DCTN1: variants seen among roughly 807,000 people sequenced by gnomAD.
DCTN1 encodes dynactin subunit 1.
In DCTN1, 61 loss-of-function variants were observed where a neutral mutation model predicts 161.2. The ratio of observed to expected loss-of-function variants is 0.38; its 90% CI spans 0.31 to 0.47. The LOEUF (loss-of-function observed/expected upper bound fraction) is 0.47, where lower values mean the gene tolerates loss of function less well. DCTN1 is among the 20% of genes least tolerant of loss of function. DCTN1 has a pLI of 0.99. For missense variants in DCTN1, 1,404 were observed against 1,623.7 expected (o/e 0.86, Z 2.33); for synonymous variants, 653 against 632.4 (o/e 1.03, Z -0.49).
In DCTN1 at chr2:74,378,033, A is replaced by G. The variant is rs1323483918; in HGVS notation, c.246T>C (p.Asp82=). Residue 82 remains aspartate (D), a synonymous_variant, in exon 2 of 32, where the codon GAT becomes GAC. Transcript: ENST00000628224. The part of the protein sequence containing the change: ...TVQGRKYFTC[D]EGHGIFVRQS... Reference sequence around the variant, plus strand: ...GGCGCACAAAGATGCCATGCCCTTCATCACAAGTGAAGTACTTCCTGCCTT... The same window carrying G: ...GGCGCACAAAGATGCCATGCCCTTCGTCACAAGTGAAGTACTTCCTGCCTT... 2.5e-6 allele frequency: 4 copies of G among 1,614,166 alleles called. No homozygotes were observed. In the African/African-American group the frequency reaches 4.0e-5, roughly 16 times the overall value.
Position 74,369,541 on chromosome 2 carries a change from C to T in DCTN1, c.1393-50G>A, listed in dbSNP as rs781291325. 4.6e-5 allele frequency: 73 copies of T among 1,590,272 alleles called. No homozygotes were observed. Among genetic ancestry groups the T allele is most frequent in the Admixed American group, 2.5e-4 (15 of 59,968 alleles). On this transcript the variant is annotated intron_variant, in intron 13 of 31. Coordinates refer to ENST00000628224, the MANE Select transcript of DCTN1 (RefSeq NM_004082.5). This position sits in a 1 kb window ranked among gnomAD's most constrained non-coding sequence, Gnocchi z 4.9. Reference sequence around the variant, plus strand: ...GCTAAAGAAAGGCAGGGTCGGCCAGCGGCGGTGGTTCACACCTGTAATCCC... The same window carrying T: ...GCTAAAGAAAGGCAGGGTCGGCCAGTGGCGGTGGTTCACACCTGTAATCCC...
At chr2:74,366,068 T>C (rs369754137) in intron 23 of DCTN1, 50 bp from the exon 24 acceptor site, 1 of 1,613,770 alleles carries the variant, frequency 6.2e-7, no homozygotes, top group Non-Finnish European at 8.5e-7. Context: ...AGAGAAGAGA[T>C]CATCACTGTG....
At chr2:74,368,579 T>C (rs1409377825) in intron 16 of DCTN1, 149 bp downstream of exon 16, 2 of 1,001,436 alleles carry the variant, frequency 2.0e-6, no homozygotes, top group Non-Finnish European at 3.0e-6. Context: ...ATTTGTAATA[T>C]ATATTAATCG....
At chr2:74,374,775 C>T (rs1207501058) in intron 5 of DCTN1, 2 of 1,104,090 alleles carry the variant, frequency 1.8e-6, no homozygotes, top group Non-Finnish European at 2.2e-6. Flanking sequence ...GCTTTGCTGG[C>T]TCCTCCTCCT....
chr2:74,362,256 A>G (rs770604529), intron 30 of DCTN1, 115 bp from the exon 31 acceptor site: 3 of 871,316 alleles, frequency 3.4e-6, no homozygotes, highest in Admixed American at 2.0e-5. Flanking sequence ...TTAGTCCTCT[A>G]TATCAACATA....
intron 1 of DCTN1, chr2:74,378,957 T>C (rs963869142): frequency 3.9e-5 from 6 of 153,734 alleles, no homozygotes; most frequent in African/African-American, 1.4e-4. Flanking sequence ...TGGAGATTCT[T>C]CTCCATGCTA....
At position 74,389,749 on chromosome 2, in the gene DCTN1, G is replaced by A. The variant is rs559020578; in HGVS notation, c.-19+2045C>T. Among the ~76,000 whole-genome samples, 86 of 152,268 alleles carry A rather than the reference G, an allele frequency of 5.6e-4. 2 individuals are homozygous for A. Among genetic ancestry groups the A allele is most frequent in the Admixed American group, 5.4e-3 (82 of 15,300 alleles). ...GCATCATCTACAAAACAGCATAACAGCTGCTCTGCCTACCTCGTAGGAATA... is the reference window on the plus strand; with the variant it reads ...GCATCATCTACAAAACAGCATAACAACTGCTCTGCCTACCTCGTAGGAATA... On this transcript the variant is annotated intron_variant, in intron 1 of 27. Transcript: ENST00000409240.
Position 74,377,982 on chromosome 2 carries a change from AAAG to A in DCTN1, c.279+15_279+17del, listed in dbSNP as rs751894203. 3.1e-6 allele frequency: 5 copies of A among 1,613,810 alleles called. No individual in the cohort carries two copies. The highest frequency in any genetic ancestry group is 1.7e-5 in the Admixed American group (1 of 59,938). ...ACATGTGCACACATGCACAGACACAAAAGAAGGGCGTGAATACCTGGGACTGGC... is the reference window on the plus strand; with the variant it reads ...ACATGTGCACACATGCACAGACACAAAAGGGCGTGAATACCTGGGACTGGC... On this transcript the variant is annotated intron_variant, in intron 2 of 31. Coordinates refer to ENST00000628224, the MANE Select transcript of DCTN1 (RefSeq NM_004082.5).
Position 74,380,237 on chromosome 2 carries a change from A to C in DCTN1, c.-200T>G, listed in dbSNP as rs886486977. 11 of 654,594 alleles carry C rather than the reference A, an allele frequency of 1.7e-5. No individual in the cohort carries two copies. The highest frequency in any genetic ancestry group is 4.4e-5 in the Admixed American group (2 of 45,334). The allele number at this position is 654,594 out of a possible 1,614,324, so 40.5% of individuals were successfully genotyped here. ...GGGCAGTGATGGGGGCTGAGGAGCA[A>C]GTCCCCTCTGCTGCCTGAGGATTCC... On this transcript the variant is annotated 5_prime_UTR_variant, in exon 1 of 32. Transcript: ENST00000628224.
intron 8 of DCTN1, 145 bp downstream of exon 8, chr2:74,371,392 T>A: frequency 8.1e-7 from 1 of 1,240,818 alleles, no homozygotes; most frequent in Non-Finnish European, 1.1e-6. Context: ...GCTCAGTCAG[T>A]AGCAAGATAT....
In DCTN1 at chr2:74,366,262, T is replaced by G. The variant is rs761587735; in HGVS notation, c.2742A>C (p.Ala914=). 6.2e-7 allele frequency: 1 copy of G among 1,614,194 alleles called. No homozygotes were observed. The highest frequency in any genetic ancestry group is 8.5e-7 in the Non-Finnish European group (1 of 1,180,012). The part of the protein sequence containing the change: ...ATAMQEGEYD[A]ERPPSKPPPV... ...CACCTACCTTGCTGGGGGGCCGCTC[T>G]GCATCATACTCCCCCTCCTGCATGG... The change falls in exon 23 of 32, where the codon GCA becomes GCC. Residue 914 remains alanine (A), a synonymous_variant. Transcript: ENST00000628224.
chr2:74,363,242 T>C, intron 28 of DCTN1, 52 bp downstream of exon 28: 3 of 1,614,072 alleles, frequency 1.9e-6, no homozygotes, highest in African/African-American at 1.3e-5. Flanking sequence ...CTATCATCAA[T>C]GGGGCAAATA....
At chr2:74,368,674 G>C in intron 16 of DCTN1, 54 bp downstream of exon 16, 2 of 1,612,762 alleles carry the variant, frequency 1.2e-6, no homozygotes, top group Non-Finnish European at 1.7e-6. Flanking sequence ...TTCAATGCCT[G>C]GTTCATGGCA....
chr2:74,365,361 G>A (rs1170665115), intron 25 of DCTN1, 120 bp from the exon 26 acceptor site: 8 of 1,552,722 alleles, frequency 5.2e-6, no homozygotes, highest in Admixed American at 1.9e-5. Context: ...AGCAGCACAG[G>A]CTTAGGCTGG....
chr2:74,385,327 C>T (rs2103761410), upstream of DCTN1: 1 of 152,396 alleles, frequency 6.6e-6, no homozygotes, highest in African/African-American at 2.4e-5. Flanking sequence ...GCAAGAGGCA[C>T]TCAGCCCTGC....
In DCTN1 at chr2:74,369,930, C is replaced by A; in HGVS notation, c.1392+35G>T. The A allele has an allele frequency of 6.2e-7, 1 of 1,604,790 alleles. No homozygotes were observed. On this transcript the variant is annotated intron_variant, in intron 13 of 31. Transcript: ENST00000628224. This position sits in a 1 kb window ranked among gnomAD's most constrained non-coding sequence, Gnocchi z 4.9. The stretch of plus-strand genomic sequence containing the variant: ...CATGTCAATCTTTTTCTCAGCAGGT[C>A]CAAGTCAGATGTCAGGGGTCTGCTC...
chr2:74,371,387 G>A, intron 8 of DCTN1, 150 bp downstream of exon 8: 1 of 1,260,446 alleles, frequency 7.9e-7, no homozygotes, highest in Non-Finnish European at 1.1e-6. Context: ...GGATGGCTCA[G>A]TCAGTAGCAA....
rs763427780 is a variant in DCTN1 at position 74,371,550 on chromosome 2, G to A, written c.632C>T (p.Pro211Leu). ...CCCAGGCCTTACCTTGGATGGGGAA[G>A]GAAGCGGGGGGACTGCTCCAGGAGA... ...LTSPGAVPPL[P>L]SPSKEEEGLR... The change falls in exon 8 of 32, where the codon CCT (proline) becomes CTT (leucine). Residue 211 changes from proline (P) to leucine (L), a missense_variant. Around this residue, in one of 9 missense-constraint regions of DCTN1, gnomAD observed 174 missense variants for 175.6 expected, o/e 0.99. Transcript: ENST00000628224. 82 of 1,576,108 alleles carry A rather than the reference G, an allele frequency of 5.2e-5. No individual in the cohort carries two copies. The highest frequency in any genetic ancestry group is 6.9e-5 in the Non-Finnish European group (80 of 1,161,132).
intron 3 of DCTN1, 73 bp from the exon 4 acceptor site, chr2:74,377,539 G>A (rs916590169): frequency 2.9e-5 from 45 of 1,530,116 alleles, no homozygotes; most frequent in Non-Finnish European, 3.9e-5. Flanking sequence ...AGGGAATATG[G>A]TAGTGACGGA....
Sources: gnomAD v4.1 joint callset for allele counts (sites outside exome capture counted in the v4.1 genomes callset) on GRCh38, gnomAD v4.1.1 for gene constraint, gnomAD v4.1.1 regional missense constraint, Gnocchi (gnomAD v3.1) non-coding constraint, MANE v1.5 for transcripts, NCBI Gene and HGNC (gene_info 2026-07-23, HGNC 2026-07-21) for gene names.